NUDT6: variants seen among roughly 807,000 people sequenced by gnomAD.
The protein encoded by NUDT6 is nudix hydrolase 6, also known as FAD diphosphatase NUDT6.
A neutral mutation model predicts 36.8 loss-of-function variants in NUDT6; 24 were observed. That is an observed-to-expected ratio of 0.65 (90% CI 0.47 to 0.92). The LOEUF (loss-of-function observed/expected upper bound fraction) is 0.92, where lower values mean the gene tolerates loss of function less well. Among genes scored for constraint, NUDT6 ranks in the 40% least tolerant of loss-of-function variants. The pLI is 0.00. For missense variants in NUDT6, 388 were observed against 392.8 expected (o/e 0.99, Z 0.10); for synonymous variants, 163 against 157.0 (o/e 1.04, Z -0.29).
intron 3 of NUDT6, among the ~76,000 whole-genome samples, chr4:122,900,512 G>T (rs1415849041): frequency 6.6e-6 from 1 of 151,356 alleles, no homozygotes; most frequent in East Asian, 1.9e-4. Context: ...ACTCCCATGA[G>T]AGGCTATAAT....
At chr4:122,910,214 A>G (rs1467191499) in intron 3 of NUDT6, among the ~76,000 whole-genome samples, 1 of 152,186 alleles carries the variant, frequency 6.6e-6, no homozygotes, top group Non-Finnish European at 1.5e-5. Context: ...TTTCAAGTAC[A>G]GATTGCTCTG....
intron 1 of NUDT6, 79 bp from the exon 2 acceptor site, chr4:122,917,783 C>T (rs1650054616): frequency 7.5e-7 from 1 of 1,339,448 alleles, no homozygotes; most frequent in Non-Finnish European, 1.0e-6. Flanking sequence ...AGGGTTTCGC[C>T]TCCTCCAGGA....
intron 3 of NUDT6, among the ~76,000 whole-genome samples, chr4:122,900,056 C>CT (rs1727483248): frequency 1.1e-5 from 1 of 89,412 alleles, no homozygotes; most frequent in Admixed American, 1.1e-4. Context: ...GCACCCCCGC[C>CT]ACCCCCCCCC....
At chr4:122,903,518 G>A (rs1245544376) in intron 3 of NUDT6, among the ~76,000 whole-genome samples, 1 of 152,140 alleles carries the variant, frequency 6.6e-6, no homozygotes, top group Non-Finnish European at 1.5e-5. Flanking sequence ...TACAGATCTG[G>A]GGTGGGGCCT....
upstream of NUDT6, chr4:122,922,753 C>T (rs1006619889): frequency 2.9e-4 from 173 of 603,414 alleles, 1 homozygote; most frequent in Middle Eastern, 1.8e-3. Context: ...CAGCAATTTG[C>T]CCCGCTCCAG....
chr4:122,893,290 A>G (rs1227177922), intron 4 of NUDT6, 65 bp from the exon 5 acceptor site: 1 of 1,456,380 alleles, frequency 6.9e-7, no homozygotes, highest in East Asian at 2.3e-5. Flanking sequence ...ATCATCAAAG[A>G]TTTTCAGTTA....
intron 3 of NUDT6, among the ~76,000 whole-genome samples, chr4:122,900,480 A>G (rs977004118): frequency 6.6e-6 from 1 of 151,806 alleles, no homozygotes; most frequent in African/African-American, 2.4e-5. Context: ...TATAAGAATT[A>G]TGCACATTTA....
chr4:122,911,904 A>C (rs1341349797), intron 3 of NUDT6, among the ~76,000 whole-genome samples: 2 of 152,204 alleles, frequency 1.3e-5, no homozygotes, highest in Non-Finnish European at 2.9e-5. Context: ...TCTCAAGTCA[A>C]ATATCTTACC....
chr4:122,893,539 T>C (rs1727254566), intron 4 of NUDT6: 1 of 221,438 alleles, frequency 4.5e-6, no homozygotes, highest in African/African-American at 2.3e-5. Context: ...GGTAAAAATA[T>C]AGATTGAAAA....
At chr4:122,899,388 C>A (rs1230552723) in intron 3 of NUDT6, among the ~76,000 whole-genome samples, 1 of 151,914 alleles carries the variant, frequency 6.6e-6, no homozygotes, top group East Asian at 1.9e-4. Context: ...TTTCATAAAC[C>A]TTTTATATGG....
At chr4:122,909,392 CA>C (rs1455920054) in intron 3 of NUDT6, among the ~76,000 whole-genome samples, 1 of 152,088 alleles carries the variant, frequency 6.6e-6, no homozygotes, top group African/African-American at 2.4e-5. Flanking sequence ...AAATGAGAAA[CA>C]TTTCATGGAA....
Position 122,917,527 on chromosome 4 carries a change from T to C in NUDT6, c.416A>G (p.Tyr139Cys). 9 of 1,614,180 alleles carry C rather than the reference T, an allele frequency of 5.6e-6. No individual in the cohort carries two copies. Among genetic ancestry groups the C allele is most frequent in the Non-Finnish European group, 7.6e-6 (9 of 1,179,992 alleles). The change falls in exon 2 of 5, where the codon TAT becomes TGT. Residue 139 changes from tyrosine (Y) to cysteine (C), a missense_variant. By Grantham distance (194) the Tyr-to-Cys change is radical. Coordinates refer to ENST00000304430, the MANE Select transcript of NUDT6 (RefSeq NM_007083.5). The part of the protein sequence containing the change: ...LREGPSRLPG[Y>C]ASHQVGVAGA... ...TGCAACTCCTACTTGATGTGAAGCA[T>C]ATCCTGGTAATCTGCTGGGCCCTTC...
rs1357944142 is a variant in NUDT6 at position 122,893,086 on chromosome 4, T to G, written c.693A>C (p.Pro231=). Residue 231 remains proline (P), a synonymous_variant, in exon 5 of 5, where the codon CCA becomes CCC. Transcript: ENST00000304430. The part of the protein sequence containing the change: ...SDMYIICRLK[P]YSFTINFCQE... ...GGCAAAAATTTATGGTGAATGAATA[T>G]GGCTTTAGGCGGCAGATGATATACA... 1 of 1,614,082 alleles carries G rather than the reference T, an allele frequency of 6.2e-7. No homozygotes were observed. The highest frequency in any genetic ancestry group is 1.3e-5 in the African/African-American group (1 of 74,924).
rs761906165 is a variant in NUDT6, at chr4:122,893,114, T to C, written c.665A>G (p.Asp222Gly). 2 of 1,614,190 alleles carry C rather than the reference T, an allele frequency of 1.2e-6. No individual in the cohort carries two copies. The highest frequency in any genetic ancestry group is 1.7e-6 in the Non-Finnish European group (2 of 1,180,028). ...HTNPGAFGKS[D>G]MYIICRLKPY... is the part of the protein sequence containing the mutation. ...CTTTAGGCGGCAGATGATATACATA[T>C]CTGACTTCCCAAAAGCTCCAGGATT... The change falls in exon 5 of 5, where the codon GAT (aspartate) becomes GGT (glycine). Residue 222 changes from aspartate to glycine, a missense_variant. Coordinates refer to ENST00000304430, the MANE Select transcript of NUDT6 (RefSeq NM_007083.5).
rs150317273 is a variant in NUDT6 at position 122,915,973 on chromosome 4, T to C, written c.442+1528A>G. Reference sequence around the variant, plus strand: ...ACCTTAAAAACTCTTGTAAATTATATAAAGGCAAATAAAATTATTAATTAA... The same window carrying C: ...ACCTTAAAAACTCTTGTAAATTATACAAAGGCAAATAAAATTATTAATTAA... On this transcript the variant is annotated intron_variant, in intron 2 of 4. Transcript: ENST00000304430. Among the ~76,000 whole-genome samples, 7 of 152,322 alleles carry C rather than the reference T, an allele frequency of 4.6e-5. No homozygotes were observed. In the East Asian group the frequency reaches 7.7e-4, roughly 17 times the overall value.
chr4:122,913,753 T>C (rs979830809), intron 2 of NUDT6, among the ~76,000 whole-genome samples: 1 of 151,940 alleles, frequency 6.6e-6, no homozygotes, highest in African/African-American at 2.4e-5. Context: ...TCATTCATCA[T>C]ACACATTGCA....
intron 2 of NUDT6, among the ~76,000 whole-genome samples, chr4:122,916,240 A>T (rs924750574): frequency 1.3e-5 from 2 of 152,172 alleles, no homozygotes; most frequent in African/African-American, 2.4e-5. Flanking sequence ...TTAAGATTCC[A>T]GGTGATTTTG....
At chr4:122,897,445 T>C (rs1484006017) in intron 4 of NUDT6, 179 bp downstream of exon 4, 14 of 621,888 alleles carry the variant, frequency 2.3e-5, no homozygotes, top group Non-Finnish European at 4.0e-5. Flanking sequence ...TGGAATAAAC[T>C]GTAATATTAG....
At chr4:122,899,038 C>A (rs1458094829) in intron 3 of NUDT6, among the ~76,000 whole-genome samples, 3 of 18,854 alleles carry the variant, frequency 1.6e-4, no homozygotes, top group African/African-American at 3.4e-4. Flanking sequence ...TGCACCACCA[C>A]ACCTAATTTT....
Sources: gnomAD v4.1 joint callset for allele counts (sites outside exome capture counted in the v4.1 genomes callset) on GRCh38, gnomAD v4.1.1 for gene constraint, MANE v1.5 for transcripts, NCBI Gene and HGNC (gene_info 2026-07-23, HGNC 2026-07-21) for gene names.